CCNJL: variants seen among roughly 807,000 people sequenced by gnomAD.
CCNJL encodes cyclin-J-like protein.
CCNJL carries 33 observed loss-of-function variants against 33.4 expected under a neutral mutation model. The observed-to-expected ratio is 0.99, with a 90% CI of 0.75 to 1.32. The LOEUF (loss-of-function observed/expected upper bound fraction) is 1.32. Ranked by LOEUF, CCNJL falls within the 40% of genes most tolerant of loss-of-function variation. The probability of loss-of-function intolerance (pLI) is 0.00; values close to 1 mark genes in which losing one functional copy is unlikely to be tolerated. For missense variants in CCNJL, 512 were observed against 499.7 expected, an observed-to-expected ratio of 1.02 and a Z score of -0.23; for synonymous variants, 227 against 220.9, an observed-to-expected ratio of 1.03 and a Z score of -0.24.
chr5:160,260,798 T>A (rs1226137579), intron 3 of CCNJL, among the ~76,000 whole-genome samples: 1 of 152,000 alleles, frequency 6.6e-6, no homozygotes, highest in African/African-American at 2.4e-5. Context: ...CCCTTCCCCA[T>A]CCCCTCCTCA....
At chr5:160,337,548 C>T (rs1350919893) in intron 1 of CCNJL, among the ~76,000 whole-genome samples, 1 of 152,092 alleles carries the variant, frequency 6.6e-6, no homozygotes, top group Non-Finnish European at 1.5e-5. Flanking sequence ...CTGAGGTCAT[C>T]ACCTGCCACT....
intron 1 of CCNJL, among the ~76,000 whole-genome samples, chr5:160,320,788 CCTTTCTTT>C (rs70990723): frequency 0.056 from 6,539 of 115,952 alleles, 251 homozygotes; most frequent in South Asian, 0.088. Context: ...TTCTTTCTTT[CCTTTCTTT>C]CTTTCTTTCT....
At chr5:160,261,725 T>C (rs978384933) in intron 3 of CCNJL, among the ~76,000 whole-genome samples, 5 of 152,020 alleles carry the variant, frequency 3.3e-5, no homozygotes, top group African/African-American at 7.3e-5. Context: ...CCCTTATCGG[T>C]GTCCTCCAGA....
chr5:160,293,554 T>C (rs1762653892), intron 2 of CCNJL, among the ~76,000 whole-genome samples: 1 of 152,236 alleles, frequency 6.6e-6, no homozygotes, highest in Non-Finnish European at 1.5e-5. Context: ...TCGGAGAATG[T>C]ACACATGTCG....
intron 3 of CCNJL, among the ~76,000 whole-genome samples, chr5:160,275,026 T>C (rs929057988): frequency 6.6e-6 from 1 of 151,630 alleles, no homozygotes; most frequent in Non-Finnish European, 1.5e-5. Flanking sequence ...TTTCCCCCCA[T>C]AAATGAAAAT....
At chr5:160,266,470 G>A (rs988296142) in intron 3 of CCNJL, among the ~76,000 whole-genome samples, 1 of 152,196 alleles carries the variant, frequency 6.6e-6, no homozygotes, top group Non-Finnish European at 1.5e-5. Context: ...TCTGGGGGAG[G>A]TCCCCACCAG....
upstream of CCNJL, chr5:160,315,311 G>A (rs1319442188): frequency 2.8e-4 from 7 of 24,858 alleles, no homozygotes; most frequent in Non-Finnish European, 4.0e-4. Flanking sequence ...TCCCGCCCCC[G>A]CCCCCCAACA....
chr5:160,331,960 G>A (rs60923045), intron 1 of CCNJL, among the ~76,000 whole-genome samples: 3,249 of 152,200 alleles, frequency 0.021, 67 homozygotes, highest in South Asian at 0.1. Context: ...TACTCTGGGG[G>A]TGGGCCCAGC....
chr5:160,276,936 A>T (rs1167839704), intron 3 of CCNJL, among the ~76,000 whole-genome samples: 4 of 152,100 alleles, frequency 2.6e-5, no homozygotes, highest in Non-Finnish European at 5.9e-5. Flanking sequence ...GGCATGAGCC[A>T]CCAACACCCA....
upstream of CCNJL, chr5:160,315,433 A>G: frequency 2.2e-6 from 1 of 449,974 alleles, no homozygotes; most frequent in Non-Finnish European, 4.5e-6. Flanking sequence ...CTTGAGCACC[A>G]AAGGTTGAGG....
At chr5:160,267,411 G>C (rs762146454) in intron 3 of CCNJL, among the ~76,000 whole-genome samples, 197 of 152,312 alleles carry the variant, frequency 1.3e-3, no homozygotes, top group Non-Finnish European at 2.5e-3. Context: ...TGCTCCATGA[G>C]GGTAGGGAAC....
chr5:160,259,866 C>T (rs1580948418), intron 3 of CCNJL, 95 bp from the exon 4 acceptor site: 1 of 1,019,770 alleles, frequency 9.8e-7, no homozygotes, highest in Non-Finnish European at 1.5e-6. Flanking sequence ...ACATTGCTGG[C>T]AAAGAAGACA....
intron 3 of CCNJL, among the ~76,000 whole-genome samples, chr5:160,260,058 A>G (rs1351601521): frequency 6.6e-6 from 1 of 152,174 alleles, no homozygotes; most frequent in Non-Finnish European, 1.5e-5. Flanking sequence ...CTTTTGTTAG[A>G]GTCAATGGGA....
chr5:160,268,965 A>T (rs1257148556), intron 3 of CCNJL, among the ~76,000 whole-genome samples: 1 of 152,262 alleles, frequency 6.6e-6, no homozygotes, highest in African/African-American at 2.4e-5. Context: ...CTTGATAAAT[A>T]ATCAACGAAT....
chr5:160,263,839 T>TG (rs766686998), intron 3 of CCNJL, among the ~76,000 whole-genome samples: 17 of 152,272 alleles, frequency 1.1e-4, no homozygotes, highest in Admixed American at 3.9e-4. Context: ...ATTATTATAC[T>TG]GGGGGTTGAA....
In CCNJL at chr5:160,280,534, G is replaced by A. The variant is rs546703146; in HGVS notation, c.271C>T (p.Leu91=). ...GTAGGTTTTCGCTTACTTGCAAGCAGGAGGCAGGAGACGGCCACGGTGTAG... is the reference window on the plus strand; with the variant it reads ...GTAGGTTTTCGCTTACTTGCAAGCAAGAGGCAGGAGACGGCCACGGTGTAG... ...QLYTVAVSCL[L]LASKFEDRED... Residue 91 remains leucine (L), a synonymous_variant, in exon 3 of 6, where the codon CTG becomes TTG. Coordinates refer to ENST00000257536, the MANE Select transcript of CCNJL (RefSeq NM_001308173.3). 1.4e-5 allele frequency: 22 copies of A among 1,612,524 alleles called. No homozygotes were observed. In the East Asian group the frequency reaches 4.9e-4, roughly 36 times the overall value.
At chr5:160,258,721 A>G in intron 4 of CCNJL, 1 of 700,546 alleles carries the variant, frequency 1.4e-6, no homozygotes, top group Non-Finnish European at 2.6e-6. Flanking sequence ...AAAAAAAGAC[A>G]GAGTCTCGCT....
chr5:160,290,098 G>A (rs1363915888), intron 2 of CCNJL, among the ~76,000 whole-genome samples: 3 of 152,138 alleles, frequency 2.0e-5, no homozygotes, highest in Admixed American at 6.5e-5. Context: ...TGAAAGTTCC[G>A]CCAGGCACCC....
chr5:160,315,254 T>C (rs1305158357), upstream of CCNJL: 1 of 177,538 alleles, frequency 5.6e-6, no homozygotes, highest in Non-Finnish European at 1.3e-5. Flanking sequence ...GGTGGGAGAA[T>C]TGCATGAGGC....
Sources: gnomAD v4.1 joint callset for allele counts (sites outside exome capture counted in the v4.1 genomes callset) on GRCh38, gnomAD v4.1.1 for gene constraint, MANE v1.5 for transcripts, NCBI Gene and HGNC (gene_info 2026-07-23, HGNC 2026-07-21) for gene names.